The following PPFIA2 variants were observed in gnomAD, a reference collection of about 807,000 sequenced individuals.
PPFIA2 encodes PPFI scaffold protein A2.
In PPFIA2, 46 loss-of-function variants were observed where a neutral mutation model predicts 175.5. That is an observed-to-expected ratio of 0.26 (90% CI 0.21 to 0.34). The LOEUF is 0.34. Ranked by LOEUF, PPFIA2 falls within the 10% of genes least tolerant of loss-of-function variation. The pLI is 1.00. For missense variants in PPFIA2, 1,179 were observed against 1,506.1 expected (o/e 0.78, Z 3.60); for synonymous variants, 568 against 511.4 (o/e 1.11, Z -1.49).
At chr12:81,500,295 A>G (rs1256529380) in intron 4 of PPFIA2, among the ~76,000 whole-genome samples, 1 of 152,038 alleles carries the variant, frequency 6.6e-6, no homozygotes, top group East Asian at 1.9e-4. Context: ...TACCCTCCCT[A>G]TCCTATAGAG....
intron 22 of PPFIA2, among the ~76,000 whole-genome samples, chr12:81,309,264 A>G (rs1423449208): frequency 3.3e-5 from 5 of 152,174 alleles, no homozygotes; most frequent in African/African-American, 1.2e-4. Context: ...CTAAAACTAC[A>G]TATTTGAGAA....
chr12:81,446,275 A>C (rs1432384851), intron 5 of PPFIA2, among the ~76,000 whole-genome samples: 2 of 152,238 alleles, frequency 1.3e-5, no homozygotes, highest in Non-Finnish European at 2.9e-5. Context: ...CTCAATTGTC[A>C]GTTCAGAAAA....
At chr12:81,555,990 G>C (rs2068791561) in intron 4 of PPFIA2, among the ~76,000 whole-genome samples, 1 of 151,836 alleles carries the variant, frequency 6.6e-6, no homozygotes. Flanking sequence ...TTAAGTGTTA[G>C]TTGGGATGGA....
intron 4 of PPFIA2, among the ~76,000 whole-genome samples, chr12:81,620,109 G>A (rs1451958874): frequency 3.8e-5 from 5 of 133,276 alleles, no homozygotes; most frequent in East Asian, 4.5e-4. Flanking sequence ...GCAGTGAGCC[G>A]AGATCGCGCC....
chr12:81,399,535 C>T (rs559896535), intron 8 of PPFIA2, among the ~76,000 whole-genome samples: 184 of 152,190 alleles, frequency 1.2e-3, no homozygotes, highest in Non-Finnish European at 1.6e-3. Context: ...CCAGACCTTT[C>T]GTTATGTGCT....
intron 3 of PPFIA2, among the ~76,000 whole-genome samples, chr12:81,729,531 C>T (rs575951413): frequency 6.6e-6 from 1 of 151,648 alleles, no homozygotes; most frequent in South Asian, 2.1e-4. Context: ...AAAGTAGCCT[C>T]AAGTGCGGTA....
intron 4 of PPFIA2, among the ~76,000 whole-genome samples, chr12:81,532,420 C>G (rs970609695): frequency 6.6e-6 from 1 of 151,724 alleles, no homozygotes; most frequent in East Asian, 1.9e-4. Context: ...GCCATGAGGT[C>G]AAGTAGTCCT....
At chr12:81,750,896 T>A (rs1465469548) in intron 3 of PPFIA2, among the ~76,000 whole-genome samples, 3 of 152,168 alleles carry the variant, frequency 2.0e-5, no homozygotes, top group African/African-American at 2.4e-5. Flanking sequence ...TTTTCATTTT[T>A]CTGTTACCCT....
At chr12:81,569,809 G>C (rs1379044482) in intron 4 of PPFIA2, among the ~76,000 whole-genome samples, 1 of 151,912 alleles carries the variant, frequency 6.6e-6, no homozygotes, top group South Asian at 2.1e-4. Context: ...ACAAAATATA[G>C]GAAGTAAGTG....
At chr12:81,409,506 C>T (rs537191202) in intron 7 of PPFIA2, among the ~76,000 whole-genome samples, 19 of 152,240 alleles carry the variant, frequency 1.2e-4, no homozygotes, top group Non-Finnish European at 2.2e-4. Flanking sequence ...CCCTCATCCT[C>T]TCTCTGTATC....
chr12:81,527,855 C>A (rs2153275412), intron 4 of PPFIA2, among the ~76,000 whole-genome samples: 1 of 152,128 alleles, frequency 6.6e-6, no homozygotes, highest in African/African-American at 2.4e-5. Flanking sequence ...ACACAAGGCA[C>A]CACCTATGAA....
At chr12:81,409,299 C>CAG (rs2043481268) in intron 7 of PPFIA2, among the ~76,000 whole-genome samples, 1 of 152,074 alleles carries the variant, frequency 6.6e-6, no homozygotes, top group African/African-American at 2.4e-5. Context: ...ACAACATGGC[C>CAG]TACTTGCTAT....
Position 81,432,702 on chromosome 12 carries a change from C to T in PPFIA2, c.645+7270G>A, listed in dbSNP as rs187574030. On this transcript the variant is annotated intron_variant, in intron 7 of 32. Coordinates refer to ENST00000549396, the MANE Select transcript of PPFIA2 (RefSeq NM_003625.5). Reference sequence around the variant, plus strand: ...TTGAACTCCTGACCTCATGATCCACCCACCTCGGCCTCCCAAAGTGCTGGG... The same window carrying T: ...TTGAACTCCTGACCTCATGATCCACTCACCTCGGCCTCCCAAAGTGCTGGG... Among the ~76,000 whole-genome samples the T allele has an allele frequency of 3.2e-4, 49 of 152,100 alleles. No homozygotes were observed. The East Asian group carries it at 6.8e-3, about 21-fold the overall frequency.
At chr12:81,397,848 C>T (rs11114846) in intron 8 of PPFIA2, among the ~76,000 whole-genome samples, 83,850 of 151,510 alleles carry the variant, frequency 0.55, 25,183 homozygotes, top group East Asian at 0.85. Flanking sequence ...GTAAGATCAG[C>T]GGCAGCATTA....
chr12:81,330,200 A>T (rs998255481), intron 21 of PPFIA2, among the ~76,000 whole-genome samples: 1 of 152,158 alleles, frequency 6.6e-6, no homozygotes, highest in East Asian at 1.9e-4. Context: ...CAACAACAAC[A>T]ACAACAAAAG....
chr12:81,390,775 T>C (rs149553796), intron 8 of PPFIA2, among the ~76,000 whole-genome samples: 2 of 151,984 alleles, frequency 1.3e-5, no homozygotes, highest in East Asian at 3.9e-4. Context: ...TTCAAATGTT[T>C]TTAATTTTAA....
chr12:81,581,392 G>C (rs1351011667), intron 4 of PPFIA2, among the ~76,000 whole-genome samples: 2 of 151,682 alleles, frequency 1.3e-5, no homozygotes, highest in Non-Finnish European at 2.9e-5. Context: ...ACATTGTAAA[G>C]AGACTGCCCT....
intron 16 of PPFIA2, 27 bp from the exon 17 acceptor site, chr12:81,353,366 A>G: frequency 6.9e-7 from 1 of 1,447,416 alleles, no homozygotes; most frequent in Non-Finnish European, 9.7e-7. Flanking sequence ...AAAATGCAGA[A>G]TATTTATCAT....
intron 27 of PPFIA2, among the ~76,000 whole-genome samples, chr12:81,278,973 A>C (rs2041348554): frequency 6.6e-6 from 1 of 152,216 alleles, no homozygotes; most frequent in South Asian, 2.1e-4. Flanking sequence ...AGAAAATTGC[A>C]TTAGGCAGGT....
Sources: allele counts gnomAD v4.1 joint callset (sites outside exome capture counted in the v4.1 genomes callset), GRCh38; gene constraint gnomAD v4.1.1; transcripts MANE v1.5; gene names NCBI Gene and HGNC (gene_info 2026-07-23, HGNC 2026-07-21).